C12orf42: variants seen among roughly 807,000 people sequenced by gnomAD.
C12orf42 encodes uncharacterized protein C12orf42.
A neutral mutation model predicts 21.6 loss-of-function variants in C12orf42; 25 were observed. The observed-to-expected ratio is 1.16, with a 90% CI of 0.84 to 1.62. C12orf42 has a LOEUF of 1.62. C12orf42 is among the 40% of genes most tolerant of loss of function. The pLI, the probability that C12orf42 is intolerant of heterozygous loss-of-function variation, is 0.00. For missense variants in C12orf42, 483 were observed against 459.3 expected, an observed-to-expected ratio of 1.05 and a Z score of -0.47; for synonymous variants, 174 against 175.0, an observed-to-expected ratio of 0.99 and a Z score of 0.05.
chr12:103,142,569 G>C, the C12orf42 span, among the ~76,000 whole-genome samples: 4 of 150,240 alleles, frequency 2.7e-5, no homozygotes, highest in African/African-American at 9.7e-5. Flanking sequence ...AAGTGCATCA[G>C]AGAGAGAGAG....
At chr12:103,355,027 G>A (rs955421890) in intron 4 of C12orf42, among the ~76,000 whole-genome samples, 1 of 152,024 alleles carries the variant, frequency 6.6e-6, no homozygotes, top group Non-Finnish European at 1.5e-5. Context: ...CCTCAAATAT[G>A]TGCGATTACT....
intron 2 of C12orf42, among the ~76,000 whole-genome samples, chr12:103,417,155 TC>T (rs1428608699): frequency 7.2e-5 from 11 of 152,284 alleles, no homozygotes; most frequent in Non-Finnish European, 1.5e-4. Flanking sequence ...AGGCATAACT[TC>T]CCTCTTCTGT....
At chr12:103,286,768 G>A (rs529520278) in intron 4 of C12orf42, among the ~76,000 whole-genome samples, 1 of 152,080 alleles carries the variant, frequency 6.6e-6, no homozygotes, top group African/African-American at 2.4e-5. Flanking sequence ...GGAATAAGTT[G>A]ATATATCCTA....
chr12:103,229,109 A>AT, the C12orf42 span, among the ~76,000 whole-genome samples: 2 of 152,270 alleles, frequency 1.3e-5, no homozygotes, highest in East Asian at 3.9e-4. Flanking sequence ...CTTCAAGCAG[A>AT]TACCCTCTTC....
intron 2 of C12orf42, among the ~76,000 whole-genome samples, chr12:103,416,192 TA>T (rs2049314591): frequency 6.6e-6 from 1 of 151,022 alleles, no homozygotes; most frequent in Non-Finnish European, 1.5e-5. Flanking sequence ...CACATTTTCA[TA>T]AAATAATGCA....
chr12:103,435,999 G>A (rs1950672635), intron 2 of C12orf42, among the ~76,000 whole-genome samples: 1 of 151,358 alleles, frequency 6.6e-6, no homozygotes, highest in Admixed American at 6.6e-5. Context: ...GGCAGCCAGA[G>A]AGAAAGGTCG....
At chr12:103,396,389 A>G (rs562623053) in intron 3 of C12orf42, 1 of 152,366 alleles carries the variant, frequency 6.6e-6, no homozygotes, top group African/African-American at 2.4e-5. Context: ...ACTGTCAGTC[A>G]ATTACGCCTC....
chr12:103,499,501 G>T (rs907824133), upstream of C12orf42, among the ~76,000 whole-genome samples: 14 of 152,208 alleles, frequency 9.2e-5, no homozygotes, highest in African/African-American at 3.4e-4. Context: ...CATGAACTGT[G>T]AGCAAAACAA....
intron 4 of C12orf42, among the ~76,000 whole-genome samples, chr12:103,363,925 T>C (rs2044349452): frequency 6.6e-6 from 1 of 152,014 alleles, no homozygotes; most frequent in African/African-American, 2.4e-5. Context: ...CTGACAGCAC[T>C]AGACAGGCCA....
intron 4 of C12orf42, among the ~76,000 whole-genome samples, chr12:103,348,223 A>T (rs2042804614): frequency 6.6e-6 from 1 of 152,016 alleles, no homozygotes; most frequent in South Asian, 2.1e-4. Flanking sequence ...TCTATCCCAG[A>T]ACCTAGAGAT....
At chr12:103,259,228 C>T (rs942344817) in intron 10 of C12orf42, among the ~76,000 whole-genome samples, 1 of 152,156 alleles carries the variant, frequency 6.6e-6, no homozygotes, top group East Asian at 1.9e-4. Flanking sequence ...AGACTCTGAA[C>T]TGAAATTGGA....
the C12orf42 span, among the ~76,000 whole-genome samples, chr12:103,047,743 T>G: frequency 5.9e-5 from 9 of 152,188 alleles, no homozygotes; most frequent in South Asian, 2.1e-4. Flanking sequence ...TGACATCAGC[T>G]TTGGGCCAGC....
intron 1 of C12orf42, among the ~76,000 whole-genome samples, chr12:103,485,348 A>G (rs1268806111): frequency 6.6e-6 from 1 of 152,188 alleles, no homozygotes; most frequent in African/African-American, 2.4e-5. Flanking sequence ...TTTTTGTATC[A>G]GAAACATGCT....
chr12:103,282,042 T>C (rs1451202563), intron 4 of C12orf42, among the ~76,000 whole-genome samples: 1 of 152,226 alleles, frequency 6.6e-6, no homozygotes, highest in Non-Finnish European at 1.5e-5. Context: ...ATTCTCGAGT[T>C]ATATGAACCA....
chr12:103,437,767 C>T (rs1195512471), intron 2 of C12orf42, among the ~76,000 whole-genome samples: 3 of 144,904 alleles, frequency 2.1e-5, no homozygotes, highest in African/African-American at 7.7e-5. Context: ...TAATTAATAG[C>T]CTACCAACCA....
Position 103,305,990 on chromosome 12 carries a change from A to G in C12orf42, c.615T>C (p.Ser205=). The stretch of plus-strand genomic sequence containing the variant: ...GATACTTACCAGAATTTTTCTTGGG[A>G]CTGCTCAAGGGCTGGCCCTTAGGTC... ...HTRPKGQPLS[S]PKKNSGSAAR... The change falls in exon 5 of 6, where the codon AGT becomes AGC. Residue 205 remains serine, a synonymous_variant. Coordinates refer to ENST00000548883, the MANE Select transcript of C12orf42 (RefSeq NM_198521.5). The G allele has an allele frequency of 1.2e-6, 2 of 1,601,996 alleles. No individual in the cohort carries two copies. The highest frequency in any genetic ancestry group is 4.5e-5 in the East Asian group (2 of 44,488).
chr12:103,472,175 C>T (rs1222929312), intron 2 of C12orf42, among the ~76,000 whole-genome samples: 1 of 151,184 alleles, frequency 6.6e-6, no homozygotes, highest in Non-Finnish European at 1.5e-5. Context: ...CTGCCTCAGC[C>T]TCACGAGTAG....
intron 4 of C12orf42, among the ~76,000 whole-genome samples, chr12:103,332,335 C>T (rs747417744): frequency 3.3e-5 from 5 of 152,138 alleles, no homozygotes; most frequent in African/African-American, 4.8e-5. Flanking sequence ...TAAATTGATT[C>T]CCAAAGGCAT....
At chr12:103,225,529 TG>T in the C12orf42 span, among the ~76,000 whole-genome samples, 1 of 150,958 alleles carries the variant, frequency 6.6e-6, no homozygotes, top group African/African-American at 2.4e-5. Context: ...TGGGTTAAGG[TG>T]GGGGGATACA....
Sources: gnomAD v4.1 joint callset for allele counts (sites outside exome capture counted in the v4.1 genomes callset) on GRCh38, gnomAD v4.1.1 for gene constraint, MANE v1.5 for transcripts, NCBI Gene and HGNC (gene_info 2026-07-23, HGNC 2026-07-21) for gene names.